Variants in GPR161 observed in about 807,000 individuals in gnomAD.
The protein encoded by GPR161 is G protein-coupled receptor 161, also known as G-protein coupled receptor RE2.
A neutral mutation model predicts 39.2 loss-of-function variants in GPR161; 25 were observed. The observed-to-expected ratio is 0.64, with a 90% CI of 0.47 to 0.89. GPR161 has a LOEUF of 0.89. Among genes scored for constraint, GPR161 ranks in the 40% least tolerant of loss-of-function variants. The pLI, the probability that GPR161 is intolerant of heterozygous loss-of-function variation, is 0.00. For missense variants in GPR161, 547 were observed against 677.8 expected, an observed-to-expected ratio of 0.81 and a Z score of 2.14; for synonymous variants, 286 against 276.6, an observed-to-expected ratio of 1.03 and a Z score of -0.34.
intron 3 of GPR161, among the ~76,000 whole-genome samples, chr1:168,092,578 G>A (rs182762668): frequency 1.3e-5 from 2 of 152,276 alleles, no homozygotes; most frequent in East Asian, 3.9e-4. Flanking sequence ...GCACAGGCTC[G>A]GGGAATCAGG....
chr1:168,083,778 T>C lies in GPR161; in HGVS notation c.*1753A>G, dbSNP rs1334968589. 1 of 152,194 alleles carries C rather than the reference T, an allele frequency of 6.6e-6. No individual in the cohort carries two copies. Among genetic ancestry groups the C allele is most frequent in the African/African-American group, 2.4e-5 (1 of 41,438 alleles). The allele number at this position is 152,194 out of a possible 1,614,324, so 9.4% of individuals were successfully genotyped here. On this transcript the variant is annotated 3_prime_UTR_variant, in exon 6 of 6. Transcript: ENST00000682931. ...ACAGGTAGCAAGACTCCAGGCCTCA[T>C]GAAAGGTCTTTTACAAACTGCAGAC...
upstream of GPR161, chr1:168,136,968 C>A (rs1208081327): frequency 4.3e-6 from 4 of 921,302 alleles, no homozygotes; most frequent in Non-Finnish European, 5.1e-6. Context: ...GCCCCCCCCA[C>A]GCCCGGCCGG....
intron 3 of GPR161, among the ~76,000 whole-genome samples, chr1:168,090,909 C>T (rs1694999208): frequency 1.3e-5 from 2 of 152,224 alleles, no homozygotes; most frequent in African/African-American, 4.8e-5. Flanking sequence ...CAATGTCAAC[C>T]ACCACCAAGG....
At chr1:168,091,324 C>T (rs1333765309) in intron 3 of GPR161, among the ~76,000 whole-genome samples, 1 of 152,164 alleles carries the variant, frequency 6.6e-6, no homozygotes, top group South Asian at 2.1e-4. Flanking sequence ...CCGGGCACAG[C>T]CGCGGCAGAA....
intron 3 of GPR161, among the ~76,000 whole-genome samples, chr1:168,092,914 C>T (rs1695203110): frequency 6.6e-6 from 1 of 152,242 alleles, no homozygotes; most frequent in East Asian, 1.9e-4. Context: ...GTAAGGGCGG[C>T]GTTTGGAGGG....
In GPR161 at chr1:168,100,242, A is replaced by G. The variant is rs542839687; in HGVS notation, c.375-3010T>C. Among the ~76,000 whole-genome samples the G allele has an allele frequency of 3.4e-3, 493 of 145,560 alleles. 16 individuals are homozygous for G. The highest frequency in any genetic ancestry group is 0.033 in the Admixed American group (458 of 14,042). ...AAAAAAAAAAAAAAAAAGGATATAG[A>G]ACAGTCCTGCATCTCCTCAGGAAAA... On this transcript the variant is annotated intron_variant, in intron 2 of 5. Transcript: ENST00000682931.
chr1:168,091,037 TACTTGA>T (rs1695010337), intron 3 of GPR161, among the ~76,000 whole-genome samples: 1 of 152,226 alleles, frequency 6.6e-6, no homozygotes, highest in African/African-American at 2.4e-5. Flanking sequence ...CCTGAAATCC[TACTTGA>T]ATTATCAAAG....
intron 1 of GPR161, among the ~76,000 whole-genome samples, chr1:168,122,853 T>C (rs1290419714): frequency 6.6e-6 from 1 of 152,212 alleles, no homozygotes; most frequent in East Asian, 1.9e-4. Context: ...GTGTTCTTAT[T>C]TATCTTGTTA....
intron 1 of GPR161, among the ~76,000 whole-genome samples, chr1:168,118,441 A>C (rs1037507963): frequency 6.6e-6 from 1 of 152,134 alleles, no homozygotes; most frequent in Non-Finnish European, 1.5e-5. Flanking sequence ...AGTGGTAGAC[A>C]ATGGAGACTC....
In GPR161 at chr1:168,096,913, C is replaced by A; in HGVS notation, c.694G>T (p.Glu232Ter). The change falls in exon 3 of 6, where the codon GAG becomes TAG. Residue 232 changes from glutamate to a stop codon, truncating the protein, a stop_gained. Transcript: ENST00000682931. LOFTEE classifies it high-confidence loss of function. ...VHCGTVVIVE[E>*]DAQRTGRKNS... ...TTCCTCCCGGTCCTCTGAGCATCCT[C>A]CTCCACGATGACGACTGTGCCACAG... 6.2e-7 allele frequency: 1 copy of A among 1,614,192 alleles called. No individual in the cohort carries two copies. Among genetic ancestry groups the A allele is most frequent in the Non-Finnish European group, 8.5e-7 (1 of 1,180,034 alleles).
At chr1:168,106,193 A>AAC (rs1696608926) in intron 1 of GPR161, among the ~76,000 whole-genome samples, 1 of 152,222 alleles carries the variant, frequency 6.6e-6, no homozygotes, top group Non-Finnish European at 1.5e-5. Context: ...CCCAAAATTG[A>AAC]ACACACCATT....
Position 168,092,446 on chromosome 1 carries a change from CCT to C in GPR161, c.1100-1780_1100-1779del, listed in dbSNP as rs1695153790. 2.0e-5 allele frequency among the ~76,000 whole-genome samples: 3 copies of C among 152,338 alleles called. No homozygotes were observed. The South Asian group carries it at 6.2e-4, about 32-fold the overall frequency. ...CGGGGCAGCCAGGTGGCATCCCTCT[CCT>C]CTGTGTTTATGCAGCATTTACCAGC... On this transcript the variant is annotated intron_variant, in intron 3 of 5. Coordinates refer to ENST00000682931, the MANE Select transcript of GPR161 (RefSeq NM_001375883.1).
At chr1:168,136,546 C>T in intron 1 of GPR161, 193 bp downstream of exon 1, 2 of 1,260,252 alleles carry the variant, frequency 1.6e-6, no homozygotes, top group South Asian at 3.0e-5. Context: ...CTCTCCAAAG[C>T]AAGGCGCAGT....
chr1:168,116,588 G>A (rs1486088772), intron 1 of GPR161, among the ~76,000 whole-genome samples: 1 of 152,210 alleles, frequency 6.6e-6, no homozygotes. Context: ...CTCGTTGAGA[G>A]GCAGAAAGAG....
chr1:168,137,277 T>A (rs1053338767), upstream of GPR161: 12 of 1,505,304 alleles, frequency 8.0e-6, no homozygotes, highest in Non-Finnish European at 9.7e-6. Context: ...GCCTTTTCCA[T>A]GTCTCTCTCC....
At chr1:168,103,151 A>G (rs918771216) in intron 2 of GPR161, among the ~76,000 whole-genome samples, 1 of 152,238 alleles carries the variant, frequency 6.6e-6, no homozygotes, top group Non-Finnish European at 1.5e-5. Flanking sequence ...AAAATAATTT[A>G]TATACCTCCA....
chr1:168,108,486 T>TAAAAAAAAAAAAAAAAAAAAAA lies in GPR161; in HGVS notation c.-44-3614_-44-3593dup, dbSNP rs10670498. Among the ~76,000 whole-genome samples the TAAAAAAAAAAAAAAAAAAAAAA allele has an allele frequency of 2.3e-4, 4 of 17,472 alleles. 1 individual carries two copies. The highest frequency in any genetic ancestry group is 5.6e-4 in the African/African-American group (2 of 3,580). 11.5% of individuals were successfully genotyped at this position (17,472 alleles called of 152,430 possible). A position where few individuals can be genotyped will look rare whatever the true frequency, so the allele number is the denominator to read the frequency against. ...ATTTTATCCACTGAGGCCCTAGTTG[T>TAAAAAAAAAAAAAAAAAAAAAA]AAAAAAAAAAAAAAAAAAAAAAAAA... On this transcript the variant is annotated intron_variant, in intron 1 of 5. Coordinates refer to ENST00000682931, the MANE Select transcript of GPR161 (RefSeq NM_001375883.1).
At chr1:168,133,990 G>A in intron 1 of GPR161, 1 of 300,778 alleles carries the variant, frequency 3.3e-6, no homozygotes, top group Non-Finnish European at 4.9e-6. Context: ...AGGTGGAGGG[G>A]AATTTAATTT....
At chr1:168,116,499 A>C (rs1697643152) in intron 1 of GPR161, among the ~76,000 whole-genome samples, 1 of 152,182 alleles carries the variant, frequency 6.6e-6, no homozygotes, top group South Asian at 2.1e-4. Context: ...GTTGGGAAGA[A>C]GGATCTAATA....
Sources: gnomAD v4.1 joint callset for allele counts (sites outside exome capture counted in the v4.1 genomes callset) on GRCh38, gnomAD v4.1.1 for gene constraint, MANE v1.5 for transcripts, NCBI Gene and HGNC (gene_info 2026-07-23, HGNC 2026-07-21) for gene names.